Variants in ARHGAP26 observed in about 807,000 individuals in gnomAD.
ARHGAP26 encodes rho GTPase-activating protein 26.
A neutral mutation model predicts 104.8 loss-of-function variants in ARHGAP26; 38 were observed. That is an observed-to-expected ratio of 0.36 (90% confidence interval 0.28 to 0.48). The LOEUF is 0.48. Among genes scored for constraint, ARHGAP26 ranks in the 20% least tolerant of loss-of-function variants. The pLI is 0.99. For synonymous variants in ARHGAP26, 341 were observed against 340.0 expected, an observed-to-expected ratio of 1.00 and a Z score of -0.03; for missense variants, 704 against 947.9, an observed-to-expected ratio of 0.74 and a Z score of 3.38.
chr5:143,054,605 T>C (rs574988055), intron 15 of ARHGAP26, 79 bp downstream of exon 15: 2 of 1,028,846 alleles, frequency 1.9e-6, no homozygotes, highest in East Asian at 4.9e-5. Flanking sequence ...ATTTTCAGAC[T>C]CCGGAGAGCT....
intron 14 of ARHGAP26, among the ~76,000 whole-genome samples, chr5:143,049,869 G>C (rs1784749109): frequency 6.6e-6 from 1 of 152,168 alleles, no homozygotes; most frequent in African/African-American, 2.4e-5. Context: ...GCATGCTGTG[G>C]TTCTTCCCTT....
At chr5:143,045,745 C>T (rs1469838516) in intron 14 of ARHGAP26, among the ~76,000 whole-genome samples, 2 of 152,106 alleles carry the variant, frequency 1.3e-5, no homozygotes, top group Admixed American at 1.3e-4. Flanking sequence ...TGCCTATAAT[C>T]CCAGCCCTTT....
chr5:143,141,992 G>C (rs1354559728), intron 19 of ARHGAP26, among the ~76,000 whole-genome samples: 8 of 152,076 alleles, frequency 5.3e-5, no homozygotes, highest in Admixed American at 5.2e-4. Context: ...CAAAGAAAAG[G>C]GTTATTACAG....
In ARHGAP26 at chr5:142,771,630, C is replaced by T. The variant is rs150584008; in HGVS notation, c.154+715C>T. ...GTTTAAAAATAGAATGTACATATCC[C>T]AACTCTCTCCCTCTCCTGCTCCCAA... On this transcript the variant is annotated intron_variant, in intron 1 of 22. Transcript: ENST00000645722. Among the ~76,000 whole-genome samples the T allele has an allele frequency of 4.0e-4, 61 of 152,322 alleles. No individual in the cohort carries two copies. The East Asian group carries it at 8.5e-3, about 21-fold the overall frequency.
chr5:143,212,443 G>A (rs188747848), intron 21 of ARHGAP26, among the ~76,000 whole-genome samples: 23 of 151,874 alleles, frequency 1.5e-4, no homozygotes, highest in African/African-American at 4.8e-4. Flanking sequence ...ACATAGACTC[G>A]GTTTCTTTGG....
chr5:142,802,548 A>C (rs1450478355), intron 1 of ARHGAP26, among the ~76,000 whole-genome samples: 3 of 152,170 alleles, frequency 2.0e-5, no homozygotes, highest in African/African-American at 7.2e-5. Flanking sequence ...GTGTTGTTTT[A>C]CTTAAAGTTG....
Position 142,770,724 on chromosome 5 carries a change from G to T in ARHGAP26, c.-38G>T. The T allele has an allele frequency of 1.7e-6, 2 of 1,187,456 alleles. No homozygotes were observed. Among genetic ancestry groups the T allele is most frequent in the South Asian group, 3.4e-5 (1 of 29,590 alleles). The allele number at this position is 1,187,456 out of a possible 1,614,324, so 73.6% of individuals were successfully genotyped here. A position where few individuals can be genotyped will look rare whatever the true frequency, so the allele number is the denominator to read the frequency against. On this transcript the variant is annotated 5_prime_UTR_variant, in exon 1 of 23. Coordinates refer to ENST00000645722, the MANE Select transcript of ARHGAP26 (RefSeq NM_001135608.3). Reference sequence around the variant, plus strand: ...CTGGGCGGCGGGCGGCCCGGGCCCCGGCGGAGGCGCGCCCCCCGGCTGGGC... The same window carrying T: ...CTGGGCGGCGGGCGGCCCGGGCCCCTGCGGAGGCGCGCCCCCCGGCTGGGC...
chr5:142,844,689 TC>T (rs1771562693), intron 1 of ARHGAP26, among the ~76,000 whole-genome samples: 1 of 151,670 alleles, frequency 6.6e-6, no homozygotes, highest in Non-Finnish European at 1.5e-5. Flanking sequence ...CATGATGACA[TC>T]CTGTCAATAT....
Position 143,193,609 on chromosome 5 carries a change from AG to A in ARHGAP26, c.1989-13588del, listed in dbSNP as rs146194327. Among the ~76,000 whole-genome samples, 261 of 152,234 alleles carry A rather than the reference AG, an allele frequency of 1.7e-3. 1 individual carries two copies. Among genetic ancestry groups the A allele is most frequent in the Non-Finnish European group, 3.1e-3 (208 of 68,020 alleles). On this transcript the variant is annotated intron_variant, in intron 20 of 22. Coordinates refer to ENST00000645722, the MANE Select transcript of ARHGAP26 (RefSeq NM_001135608.3). ...CTTAACAGTGGCCCCAAAGTCCAAG[AG>A]TGGTAATGCTGGCAATTTGCATATG... is the stretch of plus-strand genomic sequence containing the variant.
intron 6 of ARHGAP26, among the ~76,000 whole-genome samples, chr5:142,895,947 C>T (rs1759419198): frequency 1.3e-5 from 2 of 152,196 alleles, no homozygotes; most frequent in South Asian, 2.1e-4. Flanking sequence ...TCCTTAAAGT[C>T]GTCAATTACT....
chr5:142,780,726 TAAC>T (rs1009559822), intron 1 of ARHGAP26, among the ~76,000 whole-genome samples: 2 of 152,184 alleles, frequency 1.3e-5, no homozygotes, highest in African/African-American at 4.8e-5. Context: ...GCGGTGCGTG[TAAC>T]ATTCAGGAGA....
chr5:143,001,829 T>C (rs1777231416), intron 11 of ARHGAP26, among the ~76,000 whole-genome samples: 1 of 152,238 alleles, frequency 6.6e-6, no homozygotes, highest in Admixed American at 6.5e-5. Context: ...AGCAACAGAA[T>C]AAAAGAGTGA....
chr5:143,150,450 A>G (rs1466586849), intron 20 of ARHGAP26, among the ~76,000 whole-genome samples: 2 of 152,234 alleles, frequency 1.3e-5, no homozygotes, highest in Admixed American at 1.3e-4. Context: ...ACTAGGTCGA[A>G]GTAGTGGAAA....
At chr5:143,216,045 G>A (rs1366720921) in intron 22 of ARHGAP26, 9 of 386,822 alleles carry the variant, frequency 2.3e-5, no homozygotes, top group African/African-American at 1.7e-4. Flanking sequence ...TCACAAAGAA[G>A]TTGCACCATT....
intron 18 of ARHGAP26, among the ~76,000 whole-genome samples, chr5:143,131,088 C>G (rs1416345645): frequency 1.3e-5 from 2 of 152,136 alleles, no homozygotes; most frequent in Non-Finnish European, 2.9e-5. Context: ...AGAGCTGATT[C>G]TCTTATGCTT....
chr5:142,938,016 T>C (rs1765696703), intron 11 of ARHGAP26, among the ~76,000 whole-genome samples: 1 of 152,168 alleles, frequency 6.6e-6, no homozygotes, highest in African/African-American at 2.4e-5. Flanking sequence ...CAGCAAAGTA[T>C]ATGTGTATAC....
At chr5:142,935,480 CTT>C (rs1765282445) in intron 11 of ARHGAP26, among the ~76,000 whole-genome samples, 1 of 152,182 alleles carries the variant, frequency 6.6e-6, no homozygotes, top group Admixed American at 6.5e-5. Flanking sequence ...TTCAGTAAAA[CTT>C]TATTATTTAC....
intron 12 of ARHGAP26, among the ~76,000 whole-genome samples, chr5:143,025,923 C>G (rs1780988087): frequency 6.6e-6 from 1 of 152,010 alleles, no homozygotes; most frequent in Admixed American, 6.5e-5. Context: ...TACTCTATGT[C>G]TCTTTCAGCT....
At chr5:142,962,999 C>G (rs1770519927) in intron 11 of ARHGAP26, among the ~76,000 whole-genome samples, 1 of 151,802 alleles carries the variant, frequency 6.6e-6, no homozygotes, top group East Asian at 1.9e-4. Context: ...TTCCCCTCTG[C>G]GTTCATGAGT....
Sources: gnomAD v4.1 joint callset for allele counts (sites outside exome capture counted in the v4.1 genomes callset) on GRCh38, gnomAD v4.1.1 for gene constraint, MANE v1.5 for transcripts, NCBI Gene and HGNC (gene_info 2026-07-23, HGNC 2026-07-21) for gene names.